LIPC: variants seen among roughly 807,000 people sequenced by gnomAD.
LIPC encodes hepatic triacylglycerol lipase.
Under a neutral mutation model 50.7 loss-of-function variants are expected in LIPC, and 44 were observed. The observed-to-expected ratio is 0.87, with a 90% CI of 0.68 to 1.11. LIPC has a LOEUF of 1.11. Among genes scored for constraint, LIPC ranks in the 50% most tolerant of loss-of-function variants. The pLI is 0.00. For missense variants in LIPC, 697 were observed against 648.2 expected, an observed-to-expected ratio of 1.08 and a Z score of -0.82; for synonymous variants, 271 against 256.4, an observed-to-expected ratio of 1.06 and a Z score of -0.54.
At chr15:58,493,421 C>T (rs191433461) in intron 1 of LIPC, among the ~76,000 whole-genome samples, 6 of 152,018 alleles carry the variant, frequency 3.9e-5, no homozygotes, top group Non-Finnish European at 8.8e-5. Flanking sequence ...GGCCCACACC[C>T]GAGTTTGGCT....
At chr15:58,538,301 G>C in intron 1 of LIPC, 32 bp from the exon 2 acceptor site, 3 of 1,611,898 alleles carry the variant, frequency 1.9e-6, no homozygotes, top group Non-Finnish European at 2.5e-6. Flanking sequence ...GCAGATGCCA[G>C]GCTAAGCACC....
intron 1 of LIPC, among the ~76,000 whole-genome samples, chr15:58,446,062 G>A (rs1331425903): frequency 2.6e-5 from 4 of 152,144 alleles, no homozygotes; most frequent in Non-Finnish European, 5.9e-5. Flanking sequence ...TTTGCTGTAT[G>A]TGCATATTTA....
intron 1 of LIPC, among the ~76,000 whole-genome samples, chr15:58,496,529 C>T (rs1891770254): frequency 6.6e-6 from 1 of 152,058 alleles, no homozygotes; most frequent in African/African-American, 2.4e-5. Context: ...AAAAAGATAT[C>T]AGGCTTTCCT....
At chr15:58,555,915 A>G (rs1393452112) in intron 6 of LIPC, among the ~76,000 whole-genome samples, 1 of 152,160 alleles carries the variant, frequency 6.6e-6, no homozygotes, top group African/African-American at 2.4e-5. Flanking sequence ...ATCTCCTGCT[A>G]GTGCCTCTCC....
chr15:58,499,702 G>T (rs1424054598), intron 1 of LIPC, among the ~76,000 whole-genome samples: 1 of 152,162 alleles, frequency 6.6e-6, no homozygotes, highest in Non-Finnish European at 1.5e-5. Flanking sequence ...CCCCAGCTCT[G>T]CCTGTCCAGC....
At chr15:58,546,344 G>A (rs1039987510) in intron 5 of LIPC, among the ~76,000 whole-genome samples, 11 of 152,162 alleles carry the variant, frequency 7.2e-5, no homozygotes, top group African/African-American at 1.9e-4. Context: ...AAGTTTCCTC[G>A]TTCCAGGGAC....
At chr15:58,464,889 C>A (rs770436701) in intron 1 of LIPC, among the ~76,000 whole-genome samples, 1 of 152,156 alleles carries the variant, frequency 6.6e-6, no homozygotes, top group African/African-American at 2.4e-5. Flanking sequence ...AGAAAAATCG[C>A]TTGAACCTGG....
intron 4 of LIPC, among the ~76,000 whole-genome samples, chr15:58,542,981 G>C (rs948417957): frequency 6.6e-6 from 1 of 152,168 alleles, no homozygotes; most frequent in Non-Finnish European, 1.5e-5. Context: ...TCCAATTTGG[G>C]CGAGTTAAGG....
chr15:58,560,918 A>G lies in LIPC; in HGVS notation c.1106A>G (p.Gln369Arg). Residue 369 changes from glutamine (Q) to arginine (R), a missense_variant, in exon 7 of 9, where the codon CAA (glutamine) becomes CGA (arginine). By Grantham distance (43) the Gln-to-Arg change is conservative. Coordinates refer to ENST00000299022, the MANE Select transcript of LIPC (RefSeq NM_000236.3). ...QFINQTETPI[Q>R]TTFTMSLLGT... Reference sequence around the variant, plus strand: ...ATCAACCAAACTGAGACACCAATACAAACAACTTTTACCATGTCACTACTC... The same window carrying G: ...ATCAACCAAACTGAGACACCAATACGAACAACTTTTACCATGTCACTACTC... 6.4e-7 allele frequency: 1 copy of G among 1,564,594 alleles called. No individual in the cohort carries two copies. The highest frequency in any genetic ancestry group is 8.8e-7 in the Non-Finnish European group (1 of 1,134,598).
At chr15:58,484,091 C>T (rs1488536082) in intron 1 of LIPC, among the ~76,000 whole-genome samples, 1 of 152,158 alleles carries the variant, frequency 6.6e-6, no homozygotes, top group African/African-American at 2.4e-5. Context: ...AGGTTTGACC[C>T]TCTGGCTCTA....
chr15:58,557,662 G>T (rs1894004626), intron 6 of LIPC, among the ~76,000 whole-genome samples: 2 of 152,100 alleles, frequency 1.3e-5, no homozygotes, highest in South Asian at 4.1e-4. Flanking sequence ...TGGGATTACA[G>T]GCGTGAGCCA....
chr15:58,504,232 C>A (rs1410537652), intron 1 of LIPC, among the ~76,000 whole-genome samples: 4 of 152,192 alleles, frequency 2.6e-5, no homozygotes, highest in Non-Finnish European at 5.9e-5. Flanking sequence ...GTCATTCCAA[C>A]CCCATCTGGG....
intron 1 of LIPC, among the ~76,000 whole-genome samples, chr15:58,501,507 C>A (rs1243559586): frequency 1.3e-5 from 2 of 151,878 alleles, no homozygotes; most frequent in African/African-American, 2.4e-5. Context: ...CGTCAGTGAA[C>A]AAAGAAATCA....
chr15:58,559,398 G>C (rs1894072909), intron 6 of LIPC, among the ~76,000 whole-genome samples: 2 of 152,182 alleles, frequency 1.3e-5, no homozygotes, highest in African/African-American at 4.8e-5. Context: ...ATTAACCATT[G>C]TCTAAACAGG....
At chr15:58,487,289 G>T (rs1428711998) in intron 1 of LIPC, among the ~76,000 whole-genome samples, 1 of 152,154 alleles carries the variant, frequency 6.6e-6, no homozygotes, top group African/African-American at 2.4e-5. Flanking sequence ...CATTCTCATG[G>T]GCAAATGAAG....
At chr15:58,531,038 A>G (rs1339547161) in intron 1 of LIPC, among the ~76,000 whole-genome samples, 1 of 152,212 alleles carries the variant, frequency 6.6e-6, no homozygotes, top group Non-Finnish European at 1.5e-5. Context: ...ACTGGGTCCT[A>G]TAGTAAGTGT....
intron 1 of LIPC, among the ~76,000 whole-genome samples, chr15:58,470,668 C>T (rs541217566): frequency 6.7e-5 from 10 of 149,730 alleles, no homozygotes; most frequent in African/African-American, 1.5e-4. Flanking sequence ...GGCGAGATCT[C>T]GGCTCACCGC....
chr15:58,531,648 C>CAAAAAAACAAAAAAAAAAAAAAAAAAA (rs1706876033), intron 1 of LIPC, among the ~76,000 whole-genome samples: 1 of 70,234 alleles, frequency 1.4e-5, no homozygotes, highest in Non-Finnish European at 3.5e-5. Flanking sequence ...AAAAAAACCC[C>CAAAAAAACAAAAAAAAAAAAAAAAAAA]AGAATAAATC....
At chr15:58,440,191 G>C (rs1448921217) in intron 1 of LIPC, among the ~76,000 whole-genome samples, 10 of 152,228 alleles carry the variant, frequency 6.6e-5, no homozygotes, top group African/African-American at 2.4e-4. Context: ...ACTTGTAATT[G>C]GTAGAAAAAT....
Sources: allele counts gnomAD v4.1 joint callset (sites outside exome capture counted in the v4.1 genomes callset), GRCh38; gene constraint gnomAD v4.1.1; transcripts MANE v1.5; gene names NCBI Gene and HGNC (gene_info 2026-07-23, HGNC 2026-07-21).